The following TMC1 variants were observed in gnomAD, a reference collection of about 807,000 sequenced individuals.
The protein encoded by TMC1 is transmembrane channel-like protein 1.
Under a neutral mutation model 105.8 loss-of-function variants are expected in TMC1, and 84 were observed. That is an observed-to-expected ratio of 0.79 (90% CI 0.67 to 0.95). The LOEUF is 0.95. Ranked by LOEUF, TMC1 falls within the 40% of genes least tolerant of loss-of-function variation. The pLI is 0.00. For synonymous variants in TMC1, 315 were observed against 311.5 expected, an observed-to-expected ratio of 1.01 and a Z score of -0.12; for missense variants, 817 against 914.1, an observed-to-expected ratio of 0.89 and a Z score of 1.37.
At chr9:72,692,606 G>A (rs1329842196) in intron 6 of TMC1, among the ~76,000 whole-genome samples, 1 of 151,990 alleles carries the variant, frequency 6.6e-6, no homozygotes, top group Non-Finnish European at 1.5e-5. Flanking sequence ...TAGCTGCTTG[G>A]GTTTGTGAGT....
At chr9:72,538,434 A>ATTGTATTGTATTGTATTGTG (rs1554709819) in intron 1 of TMC1, among the ~76,000 whole-genome samples, 1 of 147,730 alleles carries the variant, frequency 6.8e-6, no homozygotes, top group Non-Finnish European at 1.5e-5. Flanking sequence ...ATTGTATTGT[A>ATTGTATTGTATTGTATTGTG]TTGTATTGTA....
chr9:72,582,078 C>T (rs763283870), intron 2 of TMC1, among the ~76,000 whole-genome samples: 20 of 152,202 alleles, frequency 1.3e-4, no homozygotes, highest in Admixed American at 4.6e-4. Flanking sequence ...CTGCTTCAGC[C>T]TCCCGAGTAG....
chr9:72,642,814 C>T (rs1407834562), intron 4 of TMC1, among the ~76,000 whole-genome samples: 1 of 152,118 alleles, frequency 6.6e-6, no homozygotes, highest in African/African-American at 2.4e-5. Context: ...TTAACAAACA[C>T]CTACATTAGT....
At chr9:72,678,276 T>C (rs1826233542) in intron 5 of TMC1, among the ~76,000 whole-genome samples, 1 of 152,140 alleles carries the variant, frequency 6.6e-6, no homozygotes, top group Admixed American at 6.6e-5. Flanking sequence ...TAGAATTTAT[T>C]GATCTCAGTA....
chr9:72,662,514 A>G (rs376505362), intron 5 of TMC1, among the ~76,000 whole-genome samples: 7 of 152,084 alleles, frequency 4.6e-5, no homozygotes, highest in African/African-American at 1.4e-4. Context: ...AAGTGTATCA[A>G]TACCATCATT....
At chr9:72,809,633 T>C (rs1199856879) in intron 18 of TMC1, among the ~76,000 whole-genome samples, 1 of 152,242 alleles carries the variant, frequency 6.6e-6, no homozygotes, top group African/African-American at 2.4e-5. Context: ...TAGATTCAGC[T>C]AATGGATATT....
chr9:72,821,509 A>G (rs959997317), intron 20 of TMC1, among the ~76,000 whole-genome samples: 4 of 152,082 alleles, frequency 2.6e-5, no homozygotes, highest in Non-Finnish European at 4.4e-5. Flanking sequence ...TCTCAAAAAA[A>G]AAAAAAAAGA....
chr9:72,631,731 T>G (rs1237580235), intron 4 of TMC1, among the ~76,000 whole-genome samples: 1 of 152,162 alleles, frequency 6.6e-6, no homozygotes, highest in Non-Finnish European at 1.5e-5. Context: ...CCATCCACAC[T>G]CTGCCTATTG....
rs895569291 is a variant in TMC1, at chr9:72,835,391, G to T, written c.2261-560G>T. 1.6e-4 allele frequency among the ~76,000 whole-genome samples: 24 copies of T among 152,324 alleles called. 1 individual carries two copies. Among genetic ancestry groups the T allele is most frequent in the African/African-American group, 5.8e-4 (24 of 41,564 alleles). On this transcript the variant is annotated intron_variant, in intron 23 of 23. Coordinates refer to ENST00000297784, the MANE Select transcript of TMC1 (RefSeq NM_138691.3). ...GAATTGTTTAGTCTCTGCAGAAGAT[G>T]AGGTGGTTGAAGCACATACATCACA...
chr9:72,659,800 C>A (rs1342675395), intron 5 of TMC1, among the ~76,000 whole-genome samples: 3 of 152,138 alleles, frequency 2.0e-5, no homozygotes, highest in African/African-American at 7.2e-5. Flanking sequence ...CTCGTTAGAA[C>A]TTTTATGAGA....
At chr9:72,827,045 C>A (rs372347052) in intron 21 of TMC1, 51 bp downstream of exon 21, 8 of 1,611,934 alleles carry the variant, frequency 5.0e-6, no homozygotes, top group Non-Finnish European at 8.5e-7. Context: ...TTCTTCCTGG[C>A]TGTTTTTACA....
intron 5 of TMC1, among the ~76,000 whole-genome samples, chr9:72,660,936 G>T (rs1825961058): frequency 6.6e-6 from 1 of 152,076 alleles, no homozygotes; most frequent in Non-Finnish European, 1.5e-5. Context: ...GGATCACGAG[G>T]TCAGGAGATC....
At chr9:72,775,698 G>GT (rs987791312) in intron 13 of TMC1, among the ~76,000 whole-genome samples, 2 of 152,128 alleles carry the variant, frequency 1.3e-5, no homozygotes, top group African/African-American at 4.8e-5. Flanking sequence ...CTGAGGCTTG[G>GT]TAATTTGTAA....
rs1367473129 is a variant in TMC1, at chr9:72,786,661, T to A, written c.885-1678T>A. Among the ~76,000 whole-genome samples, 4 of 152,306 alleles carry A rather than the reference T, an allele frequency of 2.6e-5. No homozygotes were observed. The East Asian group carries it at 7.7e-4, about 29-fold the overall frequency. On this transcript the variant is annotated intron_variant, in intron 13 of 23. Coordinates refer to ENST00000297784, the MANE Select transcript of TMC1 (RefSeq NM_138691.3). ...TTGCTCTATAGACAAAGAGTAGAGCTTATAGCTATCATGGCCATATCTCAA... is the reference window on the plus strand; with the variant it reads ...TTGCTCTATAGACAAAGAGTAGAGCATATAGCTATCATGGCCATATCTCAA...
chr9:72,667,204 T>G (rs1453500110), intron 5 of TMC1, among the ~76,000 whole-genome samples: 1 of 152,238 alleles, frequency 6.6e-6, no homozygotes, highest in Admixed American at 6.5e-5. Flanking sequence ...TTTCTCCATC[T>G]CTGGCTGCTT....
At chr9:72,791,465 T>G (rs745384510) in intron 15 of TMC1, among the ~76,000 whole-genome samples, 12 of 152,230 alleles carry the variant, frequency 7.9e-5, no homozygotes, top group Non-Finnish European at 1.8e-4. Context: ...AACTAGCCCA[T>G]ATGCTGATGA....
At chr9:72,581,055 T>C (rs1180458495) in intron 2 of TMC1, among the ~76,000 whole-genome samples, 1 of 152,228 alleles carries the variant, frequency 6.6e-6, no homozygotes, top group Non-Finnish European at 1.5e-5. Context: ...TAAAACAGTT[T>C]GATCCTAACT....
chr9:72,559,805 C>CA (rs1271329932), intron 1 of TMC1, among the ~76,000 whole-genome samples: 3 of 151,924 alleles, frequency 2.0e-5, no homozygotes, highest in South Asian at 2.1e-4. Context: ...GAAATGATGA[C>CA]AAAAAAATGG....
chr9:72,607,738 G>A (rs1824949218), intron 2 of TMC1: 1 of 151,960 alleles, frequency 6.6e-6, no homozygotes, highest in Non-Finnish European at 1.5e-5. Context: ...TTGAGCCCAG[G>A]AGTTCAAGGC....
Sources: allele counts gnomAD v4.1 joint callset (sites outside exome capture counted in the v4.1 genomes callset), GRCh38; gene constraint gnomAD v4.1.1; transcripts MANE v1.5; gene names NCBI Gene and HGNC (gene_info 2026-07-23, HGNC 2026-07-21).